The following LRFN1 variants were observed in gnomAD, a reference collection of about 807,000 sequenced individuals.
The protein encoded by LRFN1 is leucine rich repeat and fibronectin type III domain containing 1.
In LRFN1, 20 loss-of-function variants were observed where a neutral mutation model predicts 31.8. The observed-to-expected ratio is 0.63, with a 90% CI of 0.44 to 0.91. LRFN1 has a LOEUF of 0.91. LRFN1 is among the 40% of genes least tolerant of loss of function. The probability of loss-of-function intolerance (pLI) is 0.00; values close to 1 mark genes in which losing one functional copy is unlikely to be tolerated. For synonymous variants in LRFN1, 514 were observed against 541.3 expected (o/e 0.95, Z 0.70); for missense variants, 912 against 1,129.8 (o/e 0.81, Z 2.76).
chr19:39,316,250 A>G (rs1023997435), intron 2 of LRFN1, 114 bp from the exon 3 acceptor site: 6 of 152,266 alleles, frequency 3.9e-5, no homozygotes, highest in Non-Finnish European at 8.8e-5. Flanking sequence ...ACATGTTAGC[A>G]ATCATCATCA....
intron 4 of LRFN1, among the ~76,000 whole-genome samples, chr19:39,312,983 G>GC (rs2075156127): frequency 1.3e-5 from 2 of 152,088 alleles, no homozygotes; most frequent in African/African-American, 2.4e-5. Context: ...CAAAGCAGGG[G>GC]CTCTGTGCCT....
Position 39,314,531 on chromosome 19 carries a change from T to A in LRFN1, c.806A>T (p.Glu269Val), listed in dbSNP as rs1358032996. The stretch of plus-strand genomic sequence containing the variant: ...CGTGGCGCAGGTCTCTAAGTCGTCC[T>A]CGCGGGTCAGCCGCCGCAGCCAGAG... The part of the protein sequence containing the change: ...ELLWLRRLTR[E>V]DDLETCATPE... The change falls in exon 4 of 5, where the codon GAG (glutamate) becomes GTG (valine). Residue 269 changes from glutamate (E) to valine (V), a missense_variant. Coordinates refer to ENST00000248668, the MANE Select transcript of LRFN1 (RefSeq NM_020862.2). 6.2e-7 allele frequency: 1 copy of A among 1,610,016 alleles called. No homozygotes were observed.
Position 39,309,137 on chromosome 19 carries a change from T to C in LRFN1, c.1407-595A>G, listed in dbSNP as rs143563104. ...CCATGATGCAGGTCGCTCCCCCTTA[T>C]CTGCATGCAGCACCTTTGGGTAAAA... On this transcript the variant is annotated intron_variant, in intron 4 of 4. Coordinates refer to ENST00000248668, the MANE Select transcript of LRFN1 (RefSeq NM_020862.2). Among the ~76,000 whole-genome samples, 203 of 152,298 alleles carry C rather than the reference T, an allele frequency of 1.3e-3. 1 individual carries two copies. Among genetic ancestry groups the C allele is most frequent in the African/African-American group, 4.4e-3 (184 of 41,570 alleles).
Position 39,314,248 on chromosome 19 carries a change from C to T in LRFN1, c.1089G>A (p.Arg363=), listed in dbSNP as rs1383088667. ...CGATACAAGTGAAGGTGCCACTGTC[C>T]CTCAAGGTGGTGATGGTCACATCCA... ...GTLDVTITTL[R]DSGTFTCIAS... is the part of the protein sequence containing the mutation. Residue 363 remains arginine, a synonymous_variant, in exon 4 of 5, where the codon AGG becomes AGA. Coordinates refer to ENST00000248668, the MANE Select transcript of LRFN1 (RefSeq NM_020862.2). 1.2e-6 allele frequency: 2 copies of T among 1,613,218 alleles called. No homozygotes were observed. Among genetic ancestry groups the T allele is most frequent in the Non-Finnish European group, 1.7e-6 (2 of 1,179,676 alleles).
intron 4 of LRFN1, among the ~76,000 whole-genome samples, chr19:39,309,016 A>T (rs1336316727): frequency 6.6e-6 from 1 of 152,194 alleles, no homozygotes; most frequent in South Asian, 2.1e-4. Context: ...TCAGGTGGAC[A>T]CTAAGGTCAG....
At chr19:39,309,054 G>C (rs1024977157) in intron 4 of LRFN1, among the ~76,000 whole-genome samples, 4 of 152,194 alleles carry the variant, frequency 2.6e-5, no homozygotes, top group Non-Finnish European at 4.4e-5. Flanking sequence ...ATTCCTACTG[G>C]AACAATGGAT....
At position 39,314,102 on chromosome 19, in the gene LRFN1, G is replaced by A. The variant is rs755480814; in HGVS notation, c.1235C>T (p.Ala412Val). The A allele has an allele frequency of 7.4e-6, 12 of 1,612,434 alleles. No homozygotes were observed. Among genetic ancestry groups the A allele is most frequent in the Non-Finnish European group, 1.0e-5 (12 of 1,179,362 alleles). Reference sequence around the variant, plus strand: ...GTTGGCACCTGGTCTGCCCGGCGTGGCGATGTCAGAGGAGCCGGGCTCGGT... The same window carrying A: ...GTTGGCACCTGGTCTGCCCGGCGTGACGATGTCAGAGGAGCCGGGCTCGGT... The part of the protein sequence containing the change: ...PLTEPGSSDI[A>V]TPGRPGANDS... The change falls in exon 4 of 5, where the codon GCC (alanine) becomes GTC (valine). Residue 412 changes from alanine to valine, a missense_variant. This residue lies in a region of LRFN1 where 511 missense variants were observed against 557.0 expected (regional missense o/e 0.92). Coordinates refer to ENST00000248668, the MANE Select transcript of LRFN1 (RefSeq NM_020862.2).
chr19:39,311,239 C>A (rs1401077111), intron 4 of LRFN1, among the ~76,000 whole-genome samples: 1 of 152,226 alleles, frequency 6.6e-6, no homozygotes, highest in Non-Finnish European at 1.5e-5. Context: ...AGGAAGTTAA[C>A]CCCTGCGGCA....
At position 39,308,027 on chromosome 19, in the gene LRFN1, C is replaced by T; in HGVS notation, c.1922G>A (p.Arg641His). ...ASAEPEVVLG[R>H]SLGGSATSLC... ...CGAGGTGGCCGAGCCGCCCAGAGAA[C>T]GTCCAAGGACCACCTCCGGCTCCGC... The change falls in exon 5 of 5, where the codon CGT (arginine) becomes CAT (histidine). Residue 641 changes from arginine to histidine, a missense_variant. By Grantham distance (29) the Arg-to-His change is conservative. Coordinates refer to ENST00000248668, the MANE Select transcript of LRFN1 (RefSeq NM_020862.2). The surrounding 1 kb of genome is among the most constrained non-coding windows in gnomAD (Gnocchi z 6.2). 1 of 1,551,672 alleles carries T rather than the reference C, an allele frequency of 6.4e-7. No homozygotes were observed. Among genetic ancestry groups the T allele is most frequent in the South Asian group, 1.2e-5 (1 of 86,366 alleles).
At chr19:39,309,226 A>C (rs2075141922) in intron 4 of LRFN1, among the ~76,000 whole-genome samples, 1 of 152,136 alleles carries the variant, frequency 6.6e-6, no homozygotes, top group Middle Eastern at 3.2e-3. Flanking sequence ...AAGGCTAAGA[A>C]GGGTGGATCA....
intron 4 of LRFN1, among the ~76,000 whole-genome samples, chr19:39,312,653 A>T (rs1442773728): frequency 1.3e-5 from 2 of 152,012 alleles, no homozygotes; most frequent in Non-Finnish European, 2.9e-5. Context: ...AAATTTTTTT[A>T]AATTAGCCCA....
chr19:39,308,567 C>CCGGGG lies in LRFN1; in HGVS notation c.1407-26_1407-25insCCCCG. ...CCTGTAGGAGGGGGCGGGTTCAGGG[C>CCGGGG]GGGGTTAGTCCCCCCGAACCACGCC... On this transcript the variant is annotated intron_variant, in intron 4 of 4. Coordinates refer to ENST00000248668, the MANE Select transcript of LRFN1 (RefSeq NM_020862.2). The surrounding 1 kb of genome is among the most constrained non-coding windows in gnomAD (Gnocchi z 6.2). The CCGGGG allele has an allele frequency of 1.3e-6, 1 of 766,100 alleles. No individual in the cohort carries two copies. The highest frequency in any genetic ancestry group is 2.1e-6 in the Non-Finnish European group (1 of 484,162). 47.5% of individuals were successfully genotyped at this position (766,100 alleles called of 1,614,324 possible).
At chr19:39,319,992 T>A (rs1258588481) in intron 1 of LRFN1, among the ~76,000 whole-genome samples, 4 of 145,324 alleles carry the variant, frequency 2.8e-5, no homozygotes, top group African/African-American at 1.0e-4. Flanking sequence ...TAGGGTGGAG[T>A]GGGTGGGGAA....
intron 4 of LRFN1, among the ~76,000 whole-genome samples, chr19:39,310,154 C>T (rs1353315985): frequency 2.0e-5 from 3 of 152,172 alleles, no homozygotes; most frequent in Non-Finnish European, 2.9e-5. Context: ...GATGGGGTTT[C>T]GCCACGTTGG....
chr19:39,308,388 G>T lies in LRFN1; in HGVS notation c.1561C>A (p.Pro521Thr). Residue 521 changes from proline (P) to threonine (T), a missense_variant, in exon 5 of 5, where the codon CCG (proline) becomes ACG (threonine). Pro to Thr is a conservative substitution (Grantham distance 38). Coordinates refer to ENST00000248668, the MANE Select transcript of LRFN1 (RefSeq NM_020862.2). This position sits in a 1 kb window ranked among gnomAD's most constrained non-coding sequence, Gnocchi z 6.2. The stretch of plus-strand genomic sequence containing the variant: ...GCCCTCAGCGGGCGGCAGGGCGCCG[G>T]ATCCCCAGCGGTGGTGAACTGTACA... ...GCVQFTTAGDPAPCRPLRAHF... is the reference protein window; with the variant it reads ...GCVQFTTAGDTAPCRPLRAHF... 6.2e-7 allele frequency: 1 copy of T among 1,611,660 alleles called. No homozygotes were observed. The highest frequency in any genetic ancestry group is 8.5e-7 in the Non-Finnish European group (1 of 1,179,300).
At position 39,315,570 on chromosome 19, in the gene LRFN1, G is replaced by A. The variant is rs141432019; in HGVS notation, c.-37-197C>T. Among the ~76,000 whole-genome samples, 85 of 152,302 alleles carry A rather than the reference G, an allele frequency of 5.6e-4. No homozygotes were observed. The highest frequency in any genetic ancestry group is 1.8e-3 in the African/African-American group (76 of 41,552). On this transcript the variant is annotated intron_variant, in intron 3 of 4. Transcript: ENST00000248668. This position sits in a 1 kb window ranked among gnomAD's most constrained non-coding sequence, Gnocchi z 4.7. ...ACAGTGGCTCACGCCTGTAATCCCA[G>A]CACTTTGGGAGGCCGAGGCAGGCGG...
chr19:39,313,002 C>A (rs566795879), intron 4 of LRFN1, among the ~76,000 whole-genome samples: 1 of 151,854 alleles, frequency 6.6e-6, no homozygotes, highest in Non-Finnish European at 1.5e-5. Context: ...CTAACGAGGG[C>A]AGAGAAGGTA....
At position 39,306,730 on chromosome 19, in the gene LRFN1, A is replaced by ACACAC. The variant is rs2075129670; in HGVS notation, c.*902_*903insGTGTG. The ACACAC allele has an allele frequency of 7.4e-6, 1 of 134,768 alleles. No homozygotes were observed. The highest frequency in any genetic ancestry group is 2.6e-4 in the South Asian group (1 of 3,880). 8.3% of individuals were successfully genotyped at this position (134,768 alleles called of 1,614,324 possible). A position where few individuals can be genotyped will look rare whatever the true frequency, so the allele number is the denominator to read the frequency against. On this transcript the variant is annotated 3_prime_UTR_variant, in exon 5 of 5. Coordinates refer to ENST00000248668, the MANE Select transcript of LRFN1 (RefSeq NM_020862.2). ...GCTGCAATCTAGGTCACCCTCCCCCAACACACACACACACACACACACACA... is the reference window on the plus strand; with the variant it reads ...GCTGCAATCTAGGTCACCCTCCCCCACACACACACACACACACACACACACACACA...
At position 39,307,470 on chromosome 19, in the gene LRFN1, C is replaced by T. The variant is rs969814552; in HGVS notation, c.*163G>A. The T allele has an allele frequency of 6.5e-6, 5 of 765,656 alleles. No individual in the cohort carries two copies. The highest frequency in any genetic ancestry group is 3.6e-5 in the African/African-American group (2 of 54,870). 47.4% of individuals were successfully genotyped at this position (765,656 alleles called of 1,614,324 possible). A position where few individuals can be genotyped will look rare whatever the true frequency, so the allele number is the denominator to read the frequency against. On this transcript the variant is annotated 3_prime_UTR_variant, in exon 5 of 5. Coordinates refer to ENST00000248668, the MANE Select transcript of LRFN1 (RefSeq NM_020862.2). This position sits in a 1 kb window ranked among gnomAD's most constrained non-coding sequence, Gnocchi z 6.7. Reference sequence around the variant, plus strand: ...CGCCCTGGGCACGGGGGCGTGGCCTCGAGCCGCAGCCCGAGGCTGCCCCGC... The same window carrying T: ...CGCCCTGGGCACGGGGGCGTGGCCTTGAGCCGCAGCCCGAGGCTGCCCCGC...
Sources: gnomAD v4.1 joint callset for allele counts (sites outside exome capture counted in the v4.1 genomes callset) on GRCh38, gnomAD v4.1.1 for gene constraint, gnomAD v4.1.1 regional missense constraint, Gnocchi (gnomAD v3.1) non-coding constraint, MANE v1.5 for transcripts, NCBI Gene and HGNC (gene_info 2026-07-23, HGNC 2026-07-21) for gene names.